The following BCKDHA variants were observed in gnomAD, a reference collection of about 807,000 sequenced individuals.
BCKDHA encodes the protein 2-oxoisovalerate dehydrogenase subunit alpha, mitochondrial.
In BCKDHA, 43 loss-of-function variants were observed where a neutral mutation model predicts 52.2. That is an observed-to-expected ratio of 0.82 (90% CI 0.64 to 1.06). The LOEUF (loss-of-function observed/expected upper bound fraction) is 1.06. Among genes scored for constraint, BCKDHA ranks in the 50% least tolerant of loss-of-function variants. The pLI, the probability that BCKDHA is intolerant of heterozygous loss-of-function variation, is 0.00. For missense variants in BCKDHA, 527 were observed against 621.3 expected, an observed-to-expected ratio of 0.85 and a Z score of 1.61; for synonymous variants, 234 against 247.9, an observed-to-expected ratio of 0.94 and a Z score of 0.53.
At chr19:41,400,196 A>G (rs1424523493) in intron 1 of BCKDHA, 1 of 151,508 alleles carries the variant, frequency 6.6e-6, no homozygotes, top group Non-Finnish European at 1.5e-5. Flanking sequence ...CCTCCTAAGT[A>G]GCTGGGACCA....
In BCKDHA at chr19:41,410,980, G is replaced by A. The variant is rs2039247143; in HGVS notation, c.346G>A (p.Asp116Asn). ...YKSMTLLNTM[D>N]RILYESQRQG... ...GAGCATGACACTGCTTAACACCATG[G>A]ACCGCATCCTCTATGAGTCTCAGCG... Residue 116 changes from aspartate to asparagine, a missense_variant, in exon 3 of 9, where the codon GAC becomes AAC. Coordinates refer to ENST00000269980, the MANE Select transcript of BCKDHA (RefSeq NM_000709.4). The A allele has an allele frequency of 1.2e-6, 2 of 1,614,012 alleles. No individual in the cohort carries two copies. The highest frequency in any genetic ancestry group is 1.3e-5 in the African/African-American group (1 of 74,920).
intron 1 of BCKDHA, among the ~76,000 whole-genome samples, chr19:41,408,111 A>G (rs137914326): frequency 1.1e-4 from 17 of 151,922 alleles, no homozygotes; most frequent in Admixed American, 7.2e-4. Context: ...ATGTGTCACC[A>G]TGCCTTTCTA....
intron 1 of BCKDHA, among the ~76,000 whole-genome samples, chr19:41,403,096 C>G (rs1045815557): frequency 3.3e-5 from 5 of 152,184 alleles, no homozygotes; most frequent in African/African-American, 1.2e-4. Context: ...AGAAGCGTTC[C>G]AGACCCCAAA....
chr19:41,407,950 ATTT>A (rs144717663), intron 1 of BCKDHA, among the ~76,000 whole-genome samples: 21,809 of 124,146 alleles, frequency 0.18, 1,597 homozygotes, highest in African/African-American at 0.25. Context: ...TTCTGATGTA[ATTT>A]TTTTTTTTTT....
chr19:41,400,910 G>A (rs943158067), intron 1 of BCKDHA, among the ~76,000 whole-genome samples: 7 of 151,656 alleles, frequency 4.6e-5, no homozygotes, highest in Admixed American at 1.3e-4. Context: ...TACTTGGGAG[G>A]CTGAGGCAGA....
chr19:41,412,830 A>G (rs544016798), intron 3 of BCKDHA, among the ~76,000 whole-genome samples: 3 of 151,898 alleles, frequency 2.0e-5, no homozygotes, highest in Middle Eastern at 3.4e-3. Flanking sequence ...TAGCCCCCCA[A>G]GTAGCTGGGA....
intron 1 of BCKDHA, among the ~76,000 whole-genome samples, chr19:41,409,870 G>A (rs1381508143): frequency 6.9e-6 from 1 of 144,764 alleles, no homozygotes; most frequent in African/African-American, 2.6e-5. Context: ...GCGCAATCTC[G>A]GCTCACTGCA....
Position 41,422,780 on chromosome 19 carries a change from G to C in BCKDHA, c.995+10G>C. 6.2e-7 allele frequency: 1 copy of C among 1,612,648 alleles called. No individual in the cohort carries two copies. Among genetic ancestry groups the C allele is most frequent in the Non-Finnish European group, 8.5e-7 (1 of 1,179,974 alleles). On this transcript the variant is annotated intron_variant, in intron 7 of 8. Coordinates refer to ENST00000269980, the MANE Select transcript of BCKDHA (RefSeq NM_000709.4). ...AGGCCATGACCTACAGGTGCCTGCC[G>C]CTCCCCCCGTCAGCACCCCCACAGC...
chr19:41,424,909 G>T lies in BCKDHA; in HGVS notation c.*301G>T. ...AGGACTAGAAGCCCCTCTGGGCATG[G>T]GGTGGACATGGCAGGTCAGCCTGTG... On this transcript the variant is annotated 3_prime_UTR_variant, in exon 9 of 9. Transcript: ENST00000269980. 1 of 342,340 alleles carries T rather than the reference G, an allele frequency of 2.9e-6. No individual in the cohort carries two copies. The highest frequency in any genetic ancestry group is 2.1e-5 in the African/African-American group (1 of 48,086). The allele number at this position is 342,340 out of a possible 1,614,324, so 21.2% of individuals were successfully genotyped here. A position where few individuals can be genotyped will look rare whatever the true frequency, so the allele number is the denominator to read the frequency against.
intron 4 of BCKDHA, 138 bp downstream of exon 4, chr19:41,414,295 C>G (rs2039286916): frequency 3.3e-6 from 3 of 910,704 alleles, no homozygotes. Context: ...AAGAAAGAGA[C>G]AAGCCAGGGT....
chr19:41,414,048 G>A lies in BCKDHA; in HGVS notation c.376-1G>A. ...GACCCCGGTCCCCTCTACACCCCCA[G>A]GGCCGGATCTCCTTCTACATGACCA... is the stretch of plus-strand genomic sequence containing the variant. On this transcript the variant is annotated splice_acceptor_variant, in intron 3 of 8. Coordinates refer to ENST00000269980, the MANE Select transcript of BCKDHA (RefSeq NM_000709.4). LOFTEE classifies it high-confidence loss of function. The A allele has an allele frequency of 6.2e-7, 1 of 1,613,504 alleles. No individual in the cohort carries two copies. The highest frequency in any genetic ancestry group is 1.1e-5 in the South Asian group (1 of 91,078).
chr19:41,413,127 G>A (rs1179814586), intron 3 of BCKDHA, among the ~76,000 whole-genome samples: 4 of 152,164 alleles, frequency 2.6e-5, no homozygotes, highest in Admixed American at 6.6e-5. Context: ...TTGTGGCCTC[G>A]TGTTCACAGC....
At chr19:41,418,742 G>A in intron 4 of BCKDHA, 1 of 443,970 alleles carries the variant, frequency 2.3e-6, no homozygotes, top group South Asian at 1.6e-5. Flanking sequence ...GCCTCACCAT[G>A]TTGCTCAGGC....
At chr19:41,421,908 C>G (rs189594157) in intron 5 of BCKDHA, among the ~76,000 whole-genome samples, 1 of 152,014 alleles carries the variant, frequency 6.6e-6, no homozygotes, top group Non-Finnish European at 1.5e-5. Context: ...TGGAGAATGG[C>G]GGGAAGTTTG....
In BCKDHA at chr19:41,410,804, C is replaced by T. The variant is rs372195607; in HGVS notation, c.276C>T (p.Ser92=). 3.2e-5 allele frequency: 51 copies of T among 1,614,032 alleles called. No homozygotes were observed. The highest frequency in any genetic ancestry group is 1.3e-4 in the East Asian group (6 of 44,892). The change falls in exon 2 of 9, where the codon AGC becomes AGT. Residue 92 remains serine, a synonymous_variant. Coordinates refer to ENST00000269980, the MANE Select transcript of BCKDHA (RefSeq NM_000709.4). ...GGCAAGGCCAGATCATCAACCCCAG[C>T]GAGGACCCCCACGTGAGAGGCGGCC... ...MDRQGQIINP[S]EDPHLPKEKV... is the part of the protein sequence containing the mutation.
chr19:41,402,492 G>A (rs886379492), intron 1 of BCKDHA, among the ~76,000 whole-genome samples: 2 of 152,130 alleles, frequency 1.3e-5, no homozygotes, highest in African/African-American at 4.8e-5. Flanking sequence ...TACAGATGGA[G>A]AGACTGAGGC....
chr19:41,404,482 G>A (rs1021844249), intron 1 of BCKDHA, among the ~76,000 whole-genome samples: 15 of 151,736 alleles, frequency 9.9e-5, no homozygotes, highest in African/African-American at 3.2e-4. Flanking sequence ...GTAGAGATAG[G>A]GTTTCACCTT....
At chr19:41,421,322 A>C (rs1181133311) in intron 5 of BCKDHA, among the ~76,000 whole-genome samples, 2 of 152,036 alleles carry the variant, frequency 1.3e-5, no homozygotes, top group Non-Finnish European at 2.9e-5. Flanking sequence ...AGTAACAGAG[A>C]TGGAGAGGGA....
chr19:41,414,550 C>T (rs2039289200), intron 4 of BCKDHA, among the ~76,000 whole-genome samples: 1 of 152,118 alleles, frequency 6.6e-6, no homozygotes, highest in African/African-American at 2.4e-5. Context: ...ACCCTGTCTG[C>T]CTGGTGCAGT....
Sources: allele counts gnomAD v4.1 joint callset (sites outside exome capture counted in the v4.1 genomes callset), GRCh38; gene constraint gnomAD v4.1.1; transcripts MANE v1.5; gene names NCBI Gene and HGNC (gene_info 2026-07-23, HGNC 2026-07-21).